Variants in KIF14 observed in about 807,000 individuals in gnomAD.
KIF14 encodes the protein kinesin-like protein KIF14.
A neutral mutation model predicts 176.2 loss-of-function variants in KIF14; 98 were observed. The ratio of observed to expected loss-of-function variants is 0.56; its 90% CI spans 0.47 to 0.66. The LOEUF (loss-of-function observed/expected upper bound fraction) is 0.66. KIF14 is among the 30% of genes least tolerant of loss of function. KIF14 has a pLI of 0.00. For synonymous variants in KIF14, 566 were observed against 632.2 expected, an observed-to-expected ratio of 0.90 and a Z score of 1.57; for missense variants, 1,751 against 1,920.4, an observed-to-expected ratio of 0.91 and a Z score of 1.65.
At position 200,591,058 on chromosome 1, in the gene KIF14, A is replaced by C. The variant is rs545830157; in HGVS notation, c.2814-786T>G. ...AAACCAAAAAACAAACAAAAAAAAA[A>C]CCACAAAACAATGTGAAGGTACTTA... On this transcript the variant is annotated intron_variant, in intron 16 of 29. Coordinates refer to ENST00000367350, the MANE Select transcript of KIF14 (RefSeq NM_014875.3). 8.0e-4 allele frequency among the ~76,000 whole-genome samples: 121 copies of C among 152,146 alleles called. 1 individual carries two copies. The highest frequency in any genetic ancestry group is 1.1e-3 in the Non-Finnish European group (75 of 67,974).
Position 200,600,391 on chromosome 1 carries a change from C to A in KIF14, c.2265G>T (p.Leu755=). Residue 755 remains leucine (L), a synonymous_variant, in exon 12 of 30, where the codon CTG becomes CTT. Transcript: ENST00000367350. ...CTGCCATGTCTCTCTCCTGTTGATG[C>A]AGTTTCATTCTTAAGGATGTTATTT... ...RQEITSLRMK[L]HQQERDMAEM... is the part of the protein sequence containing the mutation. The A allele has an allele frequency of 6.2e-7, 1 of 1,613,728 alleles. No homozygotes were observed. The highest frequency in any genetic ancestry group is 8.5e-7 in the Non-Finnish European group (1 of 1,179,704).
At chr1:200,579,836 C>G (rs1354975173) in intron 21 of KIF14, among the ~76,000 whole-genome samples, 2 of 151,860 alleles carry the variant, frequency 1.3e-5, no homozygotes, top group African/African-American at 2.4e-5. Flanking sequence ...TGGAAGCACT[C>G]AAAGCACAGC....
At chr1:200,588,243 G>GTTTGTT (rs1553257795) in intron 18 of KIF14, among the ~76,000 whole-genome samples, 3 of 109,306 alleles carry the variant, frequency 2.7e-5, no homozygotes, top group Non-Finnish European at 3.5e-5. Flanking sequence ...TTGTTTGTTT[G>GTTTGTT]TTTTGTTTTT....
At chr1:200,608,032 G>A (rs1659968366) in intron 5 of KIF14, among the ~76,000 whole-genome samples, 1 of 151,868 alleles carries the variant, frequency 6.6e-6, no homozygotes. Flanking sequence ...TGTGCTCCAA[G>A]GTCCATTGCA....
chr1:200,591,496 A>G (rs898151030), intron 16 of KIF14, among the ~76,000 whole-genome samples: 1 of 152,222 alleles, frequency 6.6e-6, no homozygotes, highest in Non-Finnish European at 1.5e-5. Flanking sequence ...CTTTAAGATA[A>G]AGTCCAAACT....
intron 23 of KIF14, among the ~76,000 whole-genome samples, chr1:200,566,592 C>CAAA (rs35965593): frequency 1.5e-5 from 2 of 135,718 alleles, no homozygotes; most frequent in Non-Finnish European, 3.2e-5. Context: ...GACTCTGTCT[C>CAAA]AAAAAAAAAA....
Position 200,620,425 on chromosome 1 carries a change from CGACTCGGGGA to C in KIF14, c.-140_-131del, listed in dbSNP as rs1245525105. ...CTAAGAATTACCTCTTAATGCCAACCGACTCGGGGAGACTCGGGGAGAAGCCCACGGGCCG... is the reference window on the plus strand; with the variant it reads ...CTAAGAATTACCTCTTAATGCCAACCGACTCGGGGAGAAGCCCACGGGCCG... On this transcript the variant is annotated 5_prime_UTR_variant, in exon 1 of 30. Coordinates refer to ENST00000367350, the MANE Select transcript of KIF14 (RefSeq NM_014875.3). 6.6e-6 allele frequency: 1 copy of C among 151,766 alleles called. No homozygotes were observed. Among genetic ancestry groups the C allele is most frequent in the Admixed American group, 6.5e-5 (1 of 15,268 alleles). 9.4% of individuals were successfully genotyped at this position (151,766 alleles called of 1,614,324 possible). A position where few individuals can be genotyped will look rare whatever the true frequency, so the allele number is the denominator to read the frequency against.
intron 22 of KIF14, among the ~76,000 whole-genome samples, chr1:200,574,553 G>C (rs2102627595): frequency 6.6e-6 from 1 of 152,262 alleles, no homozygotes; most frequent in South Asian, 2.1e-4. Context: ...TCAATTCCTG[G>C]TCTTTCAGGA....
chr1:200,572,918 A>C (rs908368955), intron 22 of KIF14, among the ~76,000 whole-genome samples: 5 of 152,212 alleles, frequency 3.3e-5, no homozygotes, highest in Non-Finnish European at 7.4e-5. Context: ...AACTCTGTCA[A>C]GTCCTCAAGA....
At chr1:200,558,141 A>C (rs1278329061) in intron 27 of KIF14, among the ~76,000 whole-genome samples, 1 of 152,144 alleles carries the variant, frequency 6.6e-6, no homozygotes, top group Non-Finnish European at 1.5e-5. Flanking sequence ...TTTTTTGTAG[A>C]GACAAGGTCT....
intron 26 of KIF14, among the ~76,000 whole-genome samples, chr1:200,560,131 T>C (rs10919976): frequency 0.28 from 42,754 of 152,190 alleles, 7,585 homozygotes; most frequent in Non-Finnish European, 0.41. Context: ...ACAAATTATC[T>C]GGTATTACAA....
intron 22 of KIF14, among the ~76,000 whole-genome samples, chr1:200,574,497 T>C (rs1287145572): frequency 6.6e-6 from 1 of 152,240 alleles, no homozygotes; most frequent in Non-Finnish European, 1.5e-5. Flanking sequence ...TCCTTCTGTC[T>C]AGCCTCAGTT....
At position 200,553,510 on chromosome 1, in the gene KIF14, T is replaced by C; in HGVS notation, c.4825A>G (p.Lys1609Glu). The C allele has an allele frequency of 6.2e-7, 1 of 1,614,086 alleles. No individual in the cohort carries two copies. The highest frequency in any genetic ancestry group is 8.5e-7 in the Non-Finnish European group (1 of 1,180,026). ...QNTKEEHQQS[K>E]SSGIDGSKNK... is the part of the protein sequence containing the mutation. ...TTACTGCCGTCAATCCCGCTTGATTTAGATTGTTGGTGTTCTTCTTTGGTA... is the reference window on the plus strand; with the variant it reads ...TTACTGCCGTCAATCCCGCTTGATTCAGATTGTTGGTGTTCTTCTTTGGTA... Residue 1609 changes from lysine (K) to glutamate (E), a missense_variant, in exon 30 of 30, where the codon AAA (lysine) becomes GAA (glutamate). Lys to Glu is a moderately conservative substitution (Grantham distance 56). Transcript: ENST00000367350.
intron 26 of KIF14, among the ~76,000 whole-genome samples, chr1:200,559,745 C>T (rs1298244812): frequency 6.6e-6 from 1 of 151,292 alleles, no homozygotes. Flanking sequence ...ATTGCTAGAA[C>T]ACAGTAACAT....
Position 200,618,046 on chromosome 1 carries a change from C to G in KIF14, c.678G>C (p.Gln226His), listed in dbSNP as rs752856631. 3 of 1,614,188 alleles carry G rather than the reference C, an allele frequency of 1.9e-6. No homozygotes were observed. Among genetic ancestry groups the G allele is most frequent in the Non-Finnish European group, 2.5e-6 (3 of 1,180,032 alleles). The change falls in exon 2 of 30, where the codon CAG becomes CAC. Residue 226 changes from glutamine (Q) to histidine (H), a missense_variant. Transcript: ENST00000367350. ...AGTGTCCTGATCTAACAACTTCAGT[C>G]TGACTCAGGGAAGCAATGGGTGGTC... ...SNRPPIASLS[Q>H]TEVVRSGHLT...
intron 15 of KIF14, 60 bp from the exon 16 acceptor site, chr1:200,592,300 A>G (rs1659095340): frequency 7.1e-7 from 1 of 1,400,592 alleles, no homozygotes. Flanking sequence ...ATTAAATGAG[A>G]AAATTTATTT....
At chr1:200,608,052 A>G (rs961847688) in intron 5 of KIF14, among the ~76,000 whole-genome samples, 11 of 152,176 alleles carry the variant, frequency 7.2e-5, no homozygotes, top group African/African-American at 2.7e-4. Context: ...AAAATTAAAA[A>G]TTTTAAATTT....
At chr1:200,571,343 A>C (rs1657780167) in intron 22 of KIF14, among the ~76,000 whole-genome samples, 1 of 148,716 alleles carries the variant, frequency 6.7e-6, no homozygotes, top group African/African-American at 2.5e-5. Context: ...AAAAGCCCCA[A>C]TTTCTGCTTT....
chr1:200,565,077 A>C lies in KIF14; in HGVS notation c.4063T>G (p.Phe1355Val). 1 of 1,605,578 alleles carries C rather than the reference A, an allele frequency of 6.2e-7. No homozygotes were observed. The highest frequency in any genetic ancestry group is 8.5e-7 in the Non-Finnish European group (1 of 1,176,450). ...TAAGCAAATCAATTTACCTGCAAAA[A>C]TAACTGTAAGTAGCCTCCCAGTTTT... The part of the protein sequence containing the change: ...VKKLGGYLQL[F>V]LQGCCLDISS... The change falls in exon 25 of 30, where the codon TTT (phenylalanine) becomes GTT (valine). Residue 1355 changes from phenylalanine (F) to valine (V), a missense_variant. Physicochemically the swap from Phe to Val is conservative, Grantham distance 50. Coordinates refer to ENST00000367350, the MANE Select transcript of KIF14 (RefSeq NM_014875.3).
Sources: allele counts gnomAD v4.1 joint callset (sites outside exome capture counted in the v4.1 genomes callset), GRCh38; gene constraint gnomAD v4.1.1; transcripts MANE v1.5; gene names NCBI Gene and HGNC (gene_info 2026-07-23, HGNC 2026-07-21).